Variants in MMP15 observed in about 807,000 individuals in gnomAD.
MMP15 encodes the protein matrix metalloproteinase-15.
MMP15 carries 36 observed loss-of-function variants against 65.0 expected under a neutral mutation model. The ratio of observed to expected loss-of-function variants is 0.55; its 90% CI spans 0.42 to 0.73. The LOEUF (loss-of-function observed/expected upper bound fraction) is 0.73, where lower values mean the gene tolerates loss of function less well. Among genes scored for constraint, MMP15 ranks in the 30% least tolerant of loss-of-function variants. MMP15 has a pLI of 0.00. For synonymous variants in MMP15, 428 were observed against 410.2 expected (o/e 1.04, Z -0.52); for missense variants, 870 against 987.8 (o/e 0.88, Z 1.60).
Position 58,041,862 on chromosome 16 carries a change from G to T in MMP15, c.1156G>T (p.Val386Leu), listed in dbSNP as rs1010362649. The change falls in exon 6 of 10, where the codon GTG becomes TTG. Residue 386 changes from valine to leucine, a missense_variant. Physicochemically the swap from Val to Leu is conservative, Grantham distance 32. Transcript: ENST00000219271. ...GGCCATGCTTCGCGGGGAGATGTTC[G>T]TGTTCAAGGTCTGGCCCCGCCTCCC... ...TVAMLRGEMF[V>L]FKGRWFWRVR... 1 of 1,588,334 alleles carries T rather than the reference G, an allele frequency of 6.3e-7. No homozygotes were observed. The highest frequency in any genetic ancestry group is 1.2e-5 in the South Asian group (1 of 85,804).
chr16:58,043,125 T>C lies in MMP15; in HGVS notation c.1304-85T>C, dbSNP rs1959486562. The C allele has an allele frequency of 2.3e-6, 3 of 1,320,956 alleles. No individual in the cohort carries two copies. The African/African-American group carries it at 4.4e-5, about 20-fold the overall frequency. The allele number at this position is 1,320,956 out of a possible 1,614,324, so 81.8% of individuals were successfully genotyped here. A position where few individuals can be genotyped will look rare whatever the true frequency, so the allele number is the denominator to read the frequency against. ...TATGTAGAGGGGTGTGAGTGTGATT[T>C]TGTGGGCCCAGAAGAGCATTCTTTT... On this transcript the variant is annotated intron_variant, in intron 7 of 9. Transcript: ENST00000219271.
intron 1 of MMP15, 92 bp from the exon 2 acceptor site, chr16:58,037,380 G>A (rs1959351574): frequency 1.3e-6 from 2 of 1,501,616 alleles, no homozygotes; most frequent in African/African-American, 1.4e-5. Flanking sequence ...GAGCAGCGGT[G>A]GTGGAGGTGG....
At chr16:58,036,717 C>A (rs1365986253) in intron 1 of MMP15, among the ~76,000 whole-genome samples, 2 of 152,218 alleles carry the variant, frequency 1.3e-5, no homozygotes, top group Admixed American at 1.3e-4. Context: ...TGGGTACCTG[C>A]ATCTGTCTAC....
At chr16:58,038,790 A>T (rs1959387360) in intron 3 of MMP15, among the ~76,000 whole-genome samples, 1 of 152,192 alleles carries the variant, frequency 6.6e-6, no homozygotes, top group Admixed American at 6.5e-5. Flanking sequence ...CTTGAGCAAG[A>T]AAACCCTCCA....
intron 1 of MMP15, among the ~76,000 whole-genome samples, chr16:58,031,853 C>CTTT (rs749779284): frequency 0.016 from 920 of 57,764 alleles, 241 homozygotes; most frequent in African/African-American, 0.066. Flanking sequence ...TCGATGCCGC[C>CTTT]TTTTTTTTTT....
chr16:58,041,606 C>T lies in MMP15; in HGVS notation c.911-11C>T. 1 of 1,569,652 alleles carries T rather than the reference C, an allele frequency of 6.4e-7. No homozygotes were observed. The highest frequency in any genetic ancestry group is 8.6e-7 in the Non-Finnish European group (1 of 1,158,378). On this transcript the variant is annotated splice_polypyrimidine_tract_variant and intron_variant, in intron 5 of 9. Transcript: ENST00000219271. Reference sequence around the variant, plus strand: ...CACAGACCTCACTTCTGAACCCCTGCCTCTCTGCAGGTACCCCAGACGGTC... The same window carrying T: ...CACAGACCTCACTTCTGAACCCCTGTCTCTCTGCAGGTACCCCAGACGGTC...
chr16:58,042,975 T>C (rs1312467600), intron 7 of MMP15, among the ~76,000 whole-genome samples: 1 of 152,248 alleles, frequency 6.6e-6, no homozygotes, highest in Non-Finnish European at 1.5e-5. Context: ...AAGCGAGGGC[T>C]GTGGGTGGCA....
chr16:58,045,600 T>C lies in MMP15; in HGVS notation c.*154T>C. The C allele has an allele frequency of 1.5e-6, 1 of 654,760 alleles. No homozygotes were observed. Among genetic ancestry groups the C allele is most frequent in the Non-Finnish European group, 2.5e-6 (1 of 397,222 alleles). The allele number at this position is 654,760 out of a possible 1,614,324, so 40.6% of individuals were successfully genotyped here. A position where few individuals can be genotyped will look rare whatever the true frequency, so the allele number is the denominator to read the frequency against. On this transcript the variant is annotated 3_prime_UTR_variant, in exon 10 of 10. Coordinates refer to ENST00000219271, the MANE Select transcript of MMP15 (RefSeq NM_002428.4). ...TATTTATGTCCAGGTGTTTGTTTTG[T>C]TTTGTTTTTGGCACCTTACTTGACC...
At chr16:58,038,435 C>A in intron 3 of MMP15, 41 bp downstream of exon 3, 1 of 1,609,590 alleles carries the variant, frequency 6.2e-7, no homozygotes, top group Non-Finnish European at 8.5e-7. Context: ...TGCCCCTCGG[C>A]AGGCCGAGCC....
At chr16:58,040,218 G>A (rs1268327595) in intron 4 of MMP15, 36 bp downstream of exon 4, 2 of 1,576,724 alleles carry the variant, frequency 1.3e-6, no homozygotes, top group Admixed American at 1.7e-5. Context: ...GGCAGGGCAG[G>A]TGGCCCCGGA....
Position 58,038,321 on chromosome 16 carries a change from G to C in MMP15, c.367G>C (p.Ala123Pro). 6.2e-7 allele frequency: 1 copy of C among 1,614,084 alleles called. No individual in the cohort carries two copies. The highest frequency in any genetic ancestry group is 8.5e-7 in the Non-Finnish European group (1 of 1,180,034). Residue 123 changes from alanine to proline, a missense_variant, in exon 3 of 10, where the codon GCC (alanine) becomes CCC (proline). Ala to Pro is a conservative substitution (Grantham distance 27). Coordinates refer to ENST00000219271, the MANE Select transcript of MMP15 (RefSeq NM_002428.4). ...VPDQFGVRVKANLRRRRKRYA... is the reference protein window; with the variant it reads ...VPDQFGVRVKPNLRRRRKRYA... ...AGACCAGTTCGGGGTACGAGTGAAA[G>C]CCAACCTGCGGCGGCGTCGGAAGCG...
rs1394694415 is a variant in MMP15 at position 58,046,588 on chromosome 16, C to G, written c.*1142C>G. On this transcript the variant is annotated 3_prime_UTR_variant, in exon 10 of 10. Transcript: ENST00000219271. ...CCCTGAGGACAGATGCCTCCTTCCT[C>G]TTTTCCTTCCCAAAGCAAGCAAGAG... 2 of 152,760 alleles carry G rather than the reference C, an allele frequency of 1.3e-5. No homozygotes were observed. Among genetic ancestry groups the G allele is most frequent in the Non-Finnish European group, 2.9e-5 (2 of 68,138 alleles). 9.5% of individuals were successfully genotyped at this position (152,760 alleles called of 1,614,324 possible).
intron 2 of MMP15, 29 bp from the exon 3 acceptor site, chr16:58,038,237 G>A (rs775147676): frequency 2.0e-5 from 32 of 1,610,650 alleles, no homozygotes; most frequent in South Asian, 4.4e-5. Flanking sequence ...GGGAGGCTCC[G>A]TGCTCACCCC....
intron 7 of MMP15, 122 bp from the exon 8 acceptor site, chr16:58,043,088 T>G: frequency 1.1e-6 from 1 of 924,098 alleles, no homozygotes; most frequent in Non-Finnish European, 1.6e-6. Context: ...CCTCATTGTA[T>G]GTTGTCTTGA....
chr16:58,037,478 C>T lies in MMP15; in HGVS notation c.169C>T (p.Leu57=). Residue 57 remains leucine (L), a synonymous_variant, in exon 2 of 10, where the codon CTG becomes TTG. Transcript: ENST00000219271. ...AGTTGCGGCTTCTTTGCAGAACTGG[C>T]TGCGGCTTTATGGCTACCTGCCTCA... ...EDAEVHAENW[L]RLYGYLPQPS... 1.2e-6 allele frequency: 2 copies of T among 1,613,706 alleles called. No homozygotes were observed. The highest frequency in any genetic ancestry group is 1.7e-6 in the Non-Finnish European group (2 of 1,179,868).
At chr16:58,027,610 C>G (rs1963840137) in intron 1 of MMP15, among the ~76,000 whole-genome samples, 1 of 152,164 alleles carries the variant, frequency 6.6e-6, no homozygotes, top group African/African-American at 2.4e-5. Context: ...CCCTCCCTGG[C>G]CCACGGCGGC....
At chr16:58,030,500 C>A (rs1963878525) in intron 1 of MMP15, among the ~76,000 whole-genome samples, 1 of 152,172 alleles carries the variant, frequency 6.6e-6, no homozygotes, top group South Asian at 2.1e-4. Flanking sequence ...CCCAACTCAG[C>A]CTCCAGTATC....
chr16:58,036,419 C>T (rs1457265111), intron 1 of MMP15, among the ~76,000 whole-genome samples: 1 of 152,182 alleles, frequency 6.6e-6, no homozygotes, highest in East Asian at 1.9e-4. Context: ...GGCCAGGATG[C>T]CTCAGCCTAG....
chr16:58,043,874 C>T lies in MMP15; in HGVS notation c.1570+247C>T, dbSNP rs146868952. Among the ~76,000 whole-genome samples, 499 of 152,334 alleles carry T rather than the reference C, an allele frequency of 3.3e-3. 5 individuals are homozygous for T. Among genetic ancestry groups the T allele is most frequent in the East Asian group, 0.02 (105 of 5,186 alleles). On this transcript the variant is annotated intron_variant, in intron 9 of 9. Transcript: ENST00000219271. The stretch of plus-strand genomic sequence containing the variant: ...CTTGAGCAGAGTGCCCCAAATTCCA[C>T]AGCCAGGAAGGTGCGGCGTCAGGAT...
Sources: gnomAD v4.1 joint callset for allele counts (sites outside exome capture counted in the v4.1 genomes callset) on GRCh38, gnomAD v4.1.1 for gene constraint, MANE v1.5 for transcripts, NCBI Gene and HGNC (gene_info 2026-07-23, HGNC 2026-07-21) for gene names.